The following RAB27A variants were observed in gnomAD, a reference collection of about 807,000 sequenced individuals.
RAB27A encodes ras-related protein Rab-27A.
A neutral mutation model predicts 20.8 loss-of-function variants in RAB27A; 17 were observed. The observed-to-expected ratio is 0.82, with a 90% CI of 0.56 to 1.23. The LOEUF (loss-of-function observed/expected upper bound fraction) is 1.23. RAB27A is among the 50% of genes most tolerant of loss of function. The pLI is 0.00. For missense variants in RAB27A, 277 were observed against 266.7 expected (o/e 1.04, Z -0.27); for synonymous variants, 85 against 92.8 (o/e 0.92, Z 0.48).
chr15:55,222,668 A>G (rs1183516303), intron 6 of RAB27A, among the ~76,000 whole-genome samples: 5 of 152,040 alleles, frequency 3.3e-5, no homozygotes, highest in African/African-American at 4.8e-5. Context: ...ACCTCCATCA[A>G]CCAAAGAAAG....
intron 1 of RAB27A, among the ~76,000 whole-genome samples, chr15:55,318,233 G>C (rs909997340): frequency 2.6e-5 from 4 of 151,246 alleles, no homozygotes; most frequent in African/African-American, 9.7e-5. Flanking sequence ...GAGAAGCTGG[G>C]ACTACAGGCG....
chr15:55,225,635 T>C (rs933793956), intron 5 of RAB27A, among the ~76,000 whole-genome samples: 2 of 152,332 alleles, frequency 1.3e-5, no homozygotes, highest in South Asian at 2.1e-4. Context: ...GAAGAGCATG[T>C]AAGTATCACC....
At chr15:55,277,281 A>G (rs1483415549) in intron 1 of RAB27A, among the ~76,000 whole-genome samples, 1 of 152,204 alleles carries the variant, frequency 6.6e-6, no homozygotes, top group Non-Finnish European at 1.5e-5. Context: ...AGAGCAGGAA[A>G]TGGGCTGGGG....
At chr15:55,235,874 A>C (rs1896235358) in intron 2 of RAB27A, among the ~76,000 whole-genome samples, 1 of 152,198 alleles carries the variant, frequency 6.6e-6, no homozygotes, top group Non-Finnish European at 1.5e-5. Flanking sequence ...ATCTGGATGG[A>C]ATTGAAGACA....
At chr15:55,260,890 T>G (rs1897245584) in intron 2 of RAB27A, among the ~76,000 whole-genome samples, 1 of 152,150 alleles carries the variant, frequency 6.6e-6, no homozygotes, top group African/African-American at 2.4e-5. Flanking sequence ...ACCCATAGAA[T>G]GTACAACACC....
In RAB27A at chr15:55,203,107, G is replaced by C. The variant is rs894954829; in HGVS notation, c.*2400C>G. On this transcript the variant is annotated 3_prime_UTR_variant, in exon 7 of 7. Transcript: ENST00000336787. ...TAGTACTTCAATACCAAACTTAAAT[G>C]ATTTCCAAAAAGAATACAGGTTATT... 1 of 151,996 alleles carries C rather than the reference G, an allele frequency of 6.6e-6. No homozygotes were observed. The highest frequency in any genetic ancestry group is 1.5e-5 in the Non-Finnish European group (1 of 67,960). 9.4% of individuals were successfully genotyped at this position (151,996 alleles called of 1,614,324 possible).
intron 2 of RAB27A, among the ~76,000 whole-genome samples, chr15:55,257,923 GC>G (rs1897137798): frequency 6.6e-6 from 1 of 152,056 alleles, no homozygotes; most frequent in Admixed American, 6.5e-5. Flanking sequence ...AACCTGGGAG[GC>G]AAAGGTTACA....
chr15:55,220,577 ATC>A (rs1213466723), intron 6 of RAB27A, among the ~76,000 whole-genome samples: 4 of 152,132 alleles, frequency 2.6e-5, no homozygotes, highest in African/African-American at 7.2e-5. Context: ...GGCCCCAGTG[ATC>A]TGTTTTTATG....
At chr15:55,226,559 CTATTAT>C (rs1895806705) in intron 5 of RAB27A, among the ~76,000 whole-genome samples, 1 of 151,756 alleles carries the variant, frequency 6.6e-6, no homozygotes. Flanking sequence ...GTGTATTAAG[CTATTAT>C]TTTTATTAAA....
intron 4 of RAB27A, among the ~76,000 whole-genome samples, chr15:55,229,312 T>G (rs1285640768): frequency 2.6e-5 from 4 of 152,148 alleles, no homozygotes; most frequent in Non-Finnish European, 1.5e-5. Flanking sequence ...AAGAAAATAT[T>G]GGTATGAATT....
chr15:55,303,248 G>C (rs1332802299), intron 2 of RAB27A, among the ~76,000 whole-genome samples: 1 of 95,538 alleles, frequency 1.0e-5, no homozygotes. Context: ...CGCCCTGTCC[G>C]GGAGGGAGGT....
intron 6 of RAB27A, among the ~76,000 whole-genome samples, chr15:55,216,387 G>T (rs765455016): frequency 2.6e-5 from 4 of 151,986 alleles, no homozygotes; most frequent in Non-Finnish European, 5.9e-5. Context: ...ACAAAAATTA[G>T]CTGGGCATGG....
At chr15:55,301,397 G>T (rs1008346637) in intron 2 of RAB27A, among the ~76,000 whole-genome samples, 1 of 152,136 alleles carries the variant, frequency 6.6e-6, no homozygotes, top group African/African-American at 2.4e-5. Context: ...GCAGCTGCTA[G>T]TTTGGATGCA....
chr15:55,298,617 C>G (rs2054959376), intron 2 of RAB27A, among the ~76,000 whole-genome samples: 1 of 152,144 alleles, frequency 6.6e-6, no homozygotes, highest in Admixed American at 6.6e-5. Flanking sequence ...TATCAGGAGA[C>G]AGGGTTTTGA....
At chr15:55,239,070 C>T (rs1260703105) in intron 2 of RAB27A, among the ~76,000 whole-genome samples, 1 of 152,154 alleles carries the variant, frequency 6.6e-6, no homozygotes, top group East Asian at 1.9e-4. Flanking sequence ...CCAATAGGCT[C>T]TGACTTGGAC....
chr15:55,230,565 A>G (rs1895992784), intron 3 of RAB27A, 79 bp from the exon 4 acceptor site: 5 of 1,147,056 alleles, frequency 4.4e-6, no homozygotes, highest in Non-Finnish European at 6.5e-6. Context: ...GTTCAGTACA[A>G]ATCCCAAAGG....
intron 2 of RAB27A, among the ~76,000 whole-genome samples, chr15:55,250,195 C>T (rs1296172411): frequency 1.3e-5 from 2 of 152,164 alleles, no homozygotes; most frequent in Non-Finnish European, 2.9e-5. Context: ...AACTCCTGAT[C>T]TCAAGTGATC....
intron 2 of RAB27A, among the ~76,000 whole-genome samples, chr15:55,269,634 A>C (rs1302634701): frequency 1.3e-5 from 2 of 152,064 alleles, no homozygotes; most frequent in African/African-American, 4.8e-5. Context: ...CCAGCTACTC[A>C]GGATGCTGAG....
At chr15:55,217,785 T>C (rs1193193740) in intron 6 of RAB27A, among the ~76,000 whole-genome samples, 1 of 150,032 alleles carries the variant, frequency 6.7e-6, no homozygotes, top group Non-Finnish European at 1.5e-5. Flanking sequence ...AGCACCACCA[T>C]GGAGCCGTAT....
Sources: allele counts gnomAD v4.1 joint callset (sites outside exome capture counted in the v4.1 genomes callset), GRCh38; gene constraint gnomAD v4.1.1; transcripts MANE v1.5; gene names NCBI Gene and HGNC (gene_info 2026-07-23, HGNC 2026-07-21).